RB1: variants seen among roughly 807,000 people sequenced by gnomAD.
RB1 encodes the protein retinoblastoma-associated protein.
A neutral mutation model predicts 135.4 loss-of-function variants in RB1; 18 were observed. The ratio of observed to expected loss-of-function variants is 0.13; its 90% CI spans 0.09 to 0.20. RB1 has a LOEUF of 0.20. Ranked by LOEUF, RB1 falls within the 10% of genes least tolerant of loss-of-function variation. The probability of loss-of-function intolerance (pLI) is 1.00; values close to 1 mark genes in which losing one functional copy is unlikely to be tolerated. For missense variants in RB1, 868 were observed against 1,110.0 expected (o/e 0.78, Z 3.10); for synonymous variants, 365 against 373.2 (o/e 0.98, Z 0.25).
chr13:48,349,119 G>A, intron 6 of RB1, 96 bp downstream of exon 6: 2 of 1,286,054 alleles, frequency 1.6e-6, no homozygotes, highest in Non-Finnish European at 1.1e-6. Flanking sequence ...ATTGAGTAAT[G>A]TACTCCTCCC....
chr13:48,406,350 C>A (rs1405705824), intron 17 of RB1, among the ~76,000 whole-genome samples: 1 of 152,094 alleles, frequency 6.6e-6, no homozygotes, highest in Non-Finnish European at 1.5e-5. Context: ...TTAAAATATT[C>A]TTCTCATCTA....
intron 17 of RB1, among the ~76,000 whole-genome samples, chr13:48,432,151 C>T (rs1949136594): frequency 6.6e-6 from 1 of 152,088 alleles, no homozygotes; most frequent in African/African-American, 2.4e-5. Context: ...AATAAGGGGA[C>T]ATTTGAACAG....
intron 17 of RB1, among the ~76,000 whole-genome samples, chr13:48,448,883 C>T (rs1949307558): frequency 1.3e-5 from 2 of 152,152 alleles, no homozygotes; most frequent in Admixed American, 6.5e-5. Context: ...GAGAGCAAAA[C>T]GTTTCATTGC....
In RB1 at chr13:48,387,378, A is replaced by T. The variant is rs192089415; in HGVS notation, c.1695+5935A>T. Among the ~76,000 whole-genome samples the T allele has an allele frequency of 1.9e-3, 295 of 152,332 alleles. 1 individual carries two copies. The highest frequency in any genetic ancestry group is 3.4e-3 in the Middle Eastern group (1 of 294). The stretch of plus-strand genomic sequence containing the variant: ...ATGTAAAAAAGCTATTAGCTACTTT[A>T]TGCTTCCTAATGGAAGAATATATAA... On this transcript the variant is annotated intron_variant, in intron 17 of 26. Coordinates refer to ENST00000267163, the MANE Select transcript of RB1 (RefSeq NM_000321.3).
chr13:48,479,227 CA>C (rs879265757), intron 26 of RB1, among the ~76,000 whole-genome samples: 2,311 of 143,334 alleles, frequency 0.016, 45 homozygotes, highest in African/African-American at 0.05. Flanking sequence ...GACCTTGTCT[CA>C]AAAAAAAAAA....
chr13:48,451,981 C>T (rs916654789), intron 17 of RB1, among the ~76,000 whole-genome samples: 10 of 151,680 alleles, frequency 6.6e-5, no homozygotes, highest in Admixed American at 2.6e-4. Flanking sequence ...TTTCTGATTG[C>T]GTTTATTCCA....
Position 48,342,634 on chromosome 13 carries a change from A to C in RB1, c.300A>C (p.Gly100=). The change falls in exon 3 of 27, where the codon GGA becomes GGC. Residue 100 remains glycine (G), a synonymous_variant. Transcript: ENST00000267163. ...TTCAAAAGAAAAAGGAACTGTGGGGAATCTGTATCTTTATTGCAGCAGTTG... is the reference window on the plus strand; with the variant it reads ...TTCAAAAGAAAAAGGAACTGTGGGGCATCTGTATCTTTATTGCAGCAGTTG... ...GYIQKKKELW[G]ICIFIAAVDL... is the part of the protein sequence containing the mutation. The C allele has an allele frequency of 6.2e-7, 1 of 1,612,264 alleles. No homozygotes were observed. Among genetic ancestry groups the C allele is most frequent in the Non-Finnish European group, 8.5e-7 (1 of 1,178,566 alleles).
At chr13:48,408,974 T>A (rs1027368046) in intron 17 of RB1, among the ~76,000 whole-genome samples, 1 of 152,138 alleles carries the variant, frequency 6.6e-6, no homozygotes, top group African/African-American at 2.4e-5. Flanking sequence ...GGTAGTTGCT[T>A]CTCAACTCAG....
chr13:48,447,109 C>T (rs1219740237), intron 17 of RB1, among the ~76,000 whole-genome samples: 1 of 152,174 alleles, frequency 6.6e-6, no homozygotes, highest in East Asian at 1.9e-4. Flanking sequence ...GCCAATATGA[C>T]TTGCCTGGTG....
chr13:48,320,406 C>A (rs1385253235), intron 2 of RB1: 9 of 1,138,288 alleles, frequency 7.9e-6, no homozygotes, highest in Non-Finnish European at 1.0e-5. Context: ...ACCTAAAGCT[C>A]CCTGGTGGGC....
intron 3 of RB1, among the ~76,000 whole-genome samples, chr13:48,344,198 G>A (rs868521295): frequency 5.9e-5 from 9 of 152,150 alleles, no homozygotes; most frequent in South Asian, 2.1e-4. Context: ...AAAGAGTAAC[G>A]AAGAGTGATT....
chr13:48,457,255 G>A (rs867199557), intron 19 of RB1, among the ~76,000 whole-genome samples: 2 of 152,150 alleles, frequency 1.3e-5, no homozygotes, highest in Admixed American at 6.5e-5. Context: ...CCTCTCTGCA[G>A]GCAGGTCGTC....
intron 17 of RB1, among the ~76,000 whole-genome samples, chr13:48,394,588 G>C (rs1281852969): frequency 2.6e-5 from 4 of 152,120 alleles, no homozygotes; most frequent in Admixed American, 6.5e-5. Context: ...CCCCATTACT[G>C]AGGCTTGAGT....
At position 48,480,513 on chromosome 13, in the gene RB1, C is replaced by G. The variant is rs1047648489; in HGVS notation, c.*442C>G. 4.4e-5 allele frequency: 10 copies of G among 229,494 alleles called. No individual in the cohort carries two copies. Among genetic ancestry groups the G allele is most frequent in the African/African-American group, 2.0e-4 (9 of 45,000 alleles). 14.2% of individuals were successfully genotyped at this position (229,494 alleles called of 1,614,324 possible). On this transcript the variant is annotated 3_prime_UTR_variant, in exon 27 of 27. Coordinates refer to ENST00000267163, the MANE Select transcript of RB1 (RefSeq NM_000321.3). The stretch of plus-strand genomic sequence containing the variant: ...CATGAACACCCTTAGAAAATGTGTC[C>G]TATCTATCTTCCAAATGCAATTTGA...
chr13:48,465,048 A>G lies in RB1; in HGVS notation c.2262A>G (p.Val754=). ...IKEEEYDSII[V]FYNSVFMQRL... ...AAGAGGAGTATGATTCTATTATAGT[A>G]TTCTATAACTCGGTCTTCATGCAGA... Residue 754 remains valine, a synonymous_variant, in exon 22 of 27, where the codon GTA becomes GTG. Coordinates refer to ENST00000267163, the MANE Select transcript of RB1 (RefSeq NM_000321.3). 1 of 1,562,432 alleles carries G rather than the reference A, an allele frequency of 6.4e-7. No homozygotes were observed. The highest frequency in any genetic ancestry group is 8.7e-7 in the Non-Finnish European group (1 of 1,153,536).
chr13:48,317,535 C>T (rs193225264), intron 2 of RB1: 121 of 436,468 alleles, frequency 2.8e-4, no homozygotes, highest in African/African-American at 2.4e-3. Flanking sequence ...CCTCGGTGCC[C>T]GCTGTGGCAC....
At chr13:48,318,438 T>C in intron 2 of RB1, 3 of 1,461,254 alleles carry the variant, frequency 2.1e-6, no homozygotes, top group East Asian at 4.7e-5. Flanking sequence ...GGAGCTGCTC[T>C]TGTCTTCGGA....
intron 17 of RB1, among the ~76,000 whole-genome samples, chr13:48,438,658 T>A (rs949095142): frequency 6.6e-6 from 1 of 152,196 alleles, no homozygotes; most frequent in Non-Finnish European, 1.5e-5. Flanking sequence ...CACTTATTCA[T>A]GTGACTGGAC....
intron 17 of RB1, among the ~76,000 whole-genome samples, chr13:48,387,336 G>A (rs1948578488): frequency 6.6e-6 from 1 of 152,050 alleles, no homozygotes; most frequent in African/African-American, 2.4e-5. Context: ...GTTCTTTTGA[G>A]CCCTCAACAT....
Sources: allele counts gnomAD v4.1 joint callset (sites outside exome capture counted in the v4.1 genomes callset), GRCh38; gene constraint gnomAD v4.1.1; transcripts MANE v1.5; gene names NCBI Gene and HGNC (gene_info 2026-07-23, HGNC 2026-07-21).